The following SEZ6L variants were observed in gnomAD, a reference collection of about 807,000 sequenced individuals.
SEZ6L encodes seizure related 6 homolog like, also known as seizure 6-like protein.
A neutral mutation model predicts 106.2 loss-of-function variants in SEZ6L; 37 were observed. That is an observed-to-expected ratio of 0.35 (90% CI 0.27 to 0.46). The LOEUF is 0.46. Among genes scored for constraint, SEZ6L ranks in the 20% least tolerant of loss-of-function variants. The probability of loss-of-function intolerance (pLI) is 1.00; values close to 1 mark genes in which losing one functional copy is unlikely to be tolerated. For synonymous variants in SEZ6L, 541 were observed against 570.4 expected (o/e 0.95, Z 0.73); for missense variants, 1,172 against 1,332.8 (o/e 0.88, Z 1.88).
chr22:26,210,146 CAGT>C (rs2078115415), intron 1 of SEZ6L, among the ~76,000 whole-genome samples: 1 of 152,192 alleles, frequency 6.6e-6, no homozygotes, highest in Admixed American at 6.5e-5. Context: ...GGAAGCCTCT[CAGT>C]AGAGATGAAC....
intron 1 of SEZ6L, among the ~76,000 whole-genome samples, chr22:26,239,628 TCC>T (rs1405081249): frequency 6.6e-6 from 1 of 152,090 alleles, no homozygotes; most frequent in African/African-American, 2.4e-5. Context: ...GACCCCTGAC[TCC>T]AACCCCAAAT....
intron 1 of SEZ6L, among the ~76,000 whole-genome samples, chr22:26,291,851 G>A (rs924708418): frequency 9.2e-5 from 14 of 152,274 alleles, no homozygotes; most frequent in African/African-American, 3.4e-4. Flanking sequence ...AAATATGATT[G>A]TGTCTACTTT....
intron 1 of SEZ6L, among the ~76,000 whole-genome samples, chr22:26,254,658 T>G (rs184137176): frequency 2.0e-5 from 3 of 152,170 alleles, no homozygotes; most frequent in Admixed American, 2.0e-4. Context: ...CCCAACAGAG[T>G]GCTGAGCATT....
At chr22:26,313,965 G>T in intron 9 of SEZ6L, 63 bp downstream of exon 9, 5 of 1,521,292 alleles carry the variant, frequency 3.3e-6, no homozygotes, top group South Asian at 1.2e-5. Flanking sequence ...GAAAGAAATT[G>T]CTCCTGCTTT....
chr22:26,233,924 G>A (rs1439992899), intron 1 of SEZ6L, among the ~76,000 whole-genome samples: 1 of 152,158 alleles, frequency 6.6e-6, no homozygotes, highest in Non-Finnish European at 1.5e-5. Context: ...TCCAGGCAAA[G>A]GCAAGCACCA....
chr22:26,297,661 G>C (rs1284840302), intron 4 of SEZ6L, among the ~76,000 whole-genome samples: 1 of 151,980 alleles, frequency 6.6e-6, no homozygotes, highest in African/African-American at 2.4e-5. Context: ...TCCTCTACTG[G>C]TTTTCCTTTT....
chr22:26,333,487 G>A (rs556412121), intron 9 of SEZ6L, among the ~76,000 whole-genome samples: 2 of 152,324 alleles, frequency 1.3e-5, no homozygotes, highest in South Asian at 2.1e-4. Context: ...TCCCAAGGTT[G>A]GAGCAGGGAA....
chr22:26,183,909 A>G (rs900776240), intron 1 of SEZ6L, among the ~76,000 whole-genome samples: 12 of 152,202 alleles, frequency 7.9e-5, no homozygotes, highest in Non-Finnish European at 7.3e-5. Flanking sequence ...ATAAAAATAA[A>G]TAGTCATTTC....
At chr22:26,278,691 T>C (rs1176501865) in intron 1 of SEZ6L, among the ~76,000 whole-genome samples, 4 of 152,010 alleles carry the variant, frequency 2.6e-5, no homozygotes, top group East Asian at 1.9e-4. Flanking sequence ...CCAGGTTCTT[T>C]GGTGTATTGT....
At chr22:26,323,089 ACAACTTGCTTGTGG>A (rs1191463601) in intron 9 of SEZ6L, among the ~76,000 whole-genome samples, 1 of 152,234 alleles carries the variant, frequency 6.6e-6, no homozygotes, top group Non-Finnish European at 1.5e-5. Context: ...GACCAGAAAG[ACAACTTGCTTGTGG>A]CCACAAGAGC....
intron 1 of SEZ6L, among the ~76,000 whole-genome samples, chr22:26,202,624 C>T (rs1016111745): frequency 1.3e-5 from 2 of 152,140 alleles, no homozygotes; most frequent in Non-Finnish European, 2.9e-5. Context: ...TTTCAGTAAA[C>T]AATTCATCAA....
chr22:26,240,679 T>C (rs1321639079), intron 1 of SEZ6L, among the ~76,000 whole-genome samples: 3 of 152,192 alleles, frequency 2.0e-5, no homozygotes, highest in Non-Finnish European at 4.4e-5. Context: ...GAGCACCTAC[T>C]GTGTGCCAGG....
At chr22:26,243,472 G>A (rs1229069913) in intron 1 of SEZ6L, among the ~76,000 whole-genome samples, 1 of 152,204 alleles carries the variant, frequency 6.6e-6, no homozygotes, top group African/African-American at 2.4e-5. Context: ...CAGAGCATGT[G>A]CAAAGGCCCT....
chr22:26,339,654 A>G (rs565204958), intron 9 of SEZ6L, among the ~76,000 whole-genome samples: 7 of 152,352 alleles, frequency 4.6e-5, no homozygotes, highest in African/African-American at 1.7e-4. Flanking sequence ...ATAATGGATC[A>G]TTCAGTTGAC....
intron 1 of SEZ6L, among the ~76,000 whole-genome samples, chr22:26,180,018 TA>T (rs774891235): frequency 3.3e-5 from 5 of 152,220 alleles, no homozygotes; most frequent in Admixed American, 6.5e-5. Flanking sequence ...ATGGCCGCCA[TA>T]TTGGACAGCA....
At chr22:26,346,102 G>A (rs1307170399) in intron 10 of SEZ6L, among the ~76,000 whole-genome samples, 6 of 151,418 alleles carry the variant, frequency 4.0e-5, no homozygotes, top group East Asian at 1.9e-4. Flanking sequence ...TTCATGGCTC[G>A]CTGCAGTCTC....
intron 1 of SEZ6L, among the ~76,000 whole-genome samples, chr22:26,177,513 G>A (rs1939098993): frequency 6.6e-6 from 1 of 152,158 alleles, no homozygotes; most frequent in South Asian, 2.1e-4. Flanking sequence ...ACATCCTACT[G>A]CTTATTGTTG....
intron 1 of SEZ6L, among the ~76,000 whole-genome samples, chr22:26,211,979 A>C (rs2078174068): frequency 6.6e-6 from 1 of 152,110 alleles, no homozygotes; most frequent in African/African-American, 2.4e-5. Context: ...CATTTGCATA[A>C]CAGGGATTTC....
At chr22:26,350,806 AC>A (rs914599012) in intron 11 of SEZ6L, among the ~76,000 whole-genome samples, 1 of 151,912 alleles carries the variant, frequency 6.6e-6, no homozygotes, top group Admixed American at 6.6e-5. Context: ...ACAGGCGCCC[AC>A]CACCAGGCCA....
Sources: gnomAD v4.1 joint callset for allele counts (sites outside exome capture counted in the v4.1 genomes callset) on GRCh38, gnomAD v4.1.1 for gene constraint, MANE v1.5 for transcripts, NCBI Gene and HGNC (gene_info 2026-07-23, HGNC 2026-07-21) for gene names.